COL25A1: variants seen among roughly 807,000 people sequenced by gnomAD.
COL25A1 encodes collagen type XXV alpha 1 chain, also known as collagen alpha-1(XXV) chain.
Under a neutral mutation model 128.4 loss-of-function variants are expected in COL25A1, and 103 were observed. The observed-to-expected ratio is 0.80, with a 90% CI of 0.68 to 0.94. COL25A1 has a LOEUF of 0.94. Ranked by LOEUF, COL25A1 falls within the 40% of genes least tolerant of loss-of-function variation. COL25A1 has a pLI of 0.00. For missense variants in COL25A1, 745 were observed against 840.0 expected, an observed-to-expected ratio of 0.89 and a Z score of 1.40; for synonymous variants, 279 against 277.2, an observed-to-expected ratio of 1.01 and a Z score of -0.06.
intron 2 of COL25A1, 94 bp from the exon 3 acceptor site, chr4:109,300,746 T>C (rs1048814820): frequency 2.5e-6 from 2 of 810,266 alleles, no homozygotes; most frequent in Non-Finnish European, 2.1e-6. Context: ...TTTACCGGCA[T>C]TTCATAACCT....
intron 35 of COL25A1, among the ~76,000 whole-genome samples, chr4:108,820,958 T>A (rs1731716760): frequency 6.6e-6 from 1 of 152,188 alleles, no homozygotes; most frequent in Non-Finnish European, 1.5e-5. Flanking sequence ...TATCTCTGCA[T>A]ATTTATAGAC....
chr4:109,056,104 T>G (rs1761422371), intron 3 of COL25A1, among the ~76,000 whole-genome samples: 1 of 152,102 alleles, frequency 6.6e-6, no homozygotes, highest in South Asian at 2.1e-4. Flanking sequence ...CACTACAGAG[T>G]ATTATTCAGA....
chr4:109,132,052 T>G (rs1769267103), intron 3 of COL25A1, among the ~76,000 whole-genome samples: 1 of 152,000 alleles, frequency 6.6e-6, no homozygotes. Context: ...GCCAATGAGG[T>G]TTTAAAATGA....
chr4:108,858,972 AATG>A (rs1736843973), intron 24 of COL25A1, among the ~76,000 whole-genome samples: 1 of 152,192 alleles, frequency 6.6e-6, no homozygotes, highest in Non-Finnish European at 1.5e-5. Context: ...GATGCAACAG[AATG>A]ATGATAGAGG....
chr4:108,855,772 G>A (rs1736419956), intron 24 of COL25A1, among the ~76,000 whole-genome samples: 1 of 152,098 alleles, frequency 6.6e-6, no homozygotes, highest in Non-Finnish European at 1.5e-5. Context: ...CAGCTAATAG[G>A]TTTCAATGAC....
chr4:108,886,492 G>GTGTGTGTGTTT (rs58157157), intron 18 of COL25A1, among the ~76,000 whole-genome samples: 1 of 109,248 alleles, frequency 9.2e-6, no homozygotes, highest in East Asian at 2.5e-4. Context: ...GTGTGTGTGT[G>GTGTGTGTGTTT]TTTAGCTCAT....
chr4:108,938,669 A>G (rs1747720379), intron 10 of COL25A1, among the ~76,000 whole-genome samples: 1 of 152,192 alleles, frequency 6.6e-6, no homozygotes, highest in Non-Finnish European at 1.5e-5. Context: ...ATCTTGGCTA[A>G]CATGGTGAAA....
At chr4:109,097,913 C>T (rs548234948) in intron 3 of COL25A1, among the ~76,000 whole-genome samples, 2 of 152,014 alleles carry the variant, frequency 1.3e-5, no homozygotes, top group African/African-American at 4.8e-5. Context: ...CCACCTACCT[C>T]GGCCTCCCAA....
At position 109,184,873 on chromosome 4, in the gene COL25A1, C is replaced by T. The variant is rs536388998; in HGVS notation, c.367+115710G>A. Among the ~76,000 whole-genome samples, 37 of 152,264 alleles carry T rather than the reference C, an allele frequency of 2.4e-4. No homozygotes were observed. The South Asian group carries it at 7.7e-3, about 32-fold the overall frequency. On this transcript the variant is annotated intron_variant, in intron 3 of 37. Transcript: ENST00000399132. ...GTGAGGAAACTCATTCCTTATTCAA[C>T]AGCTCAAACTATTACAAAGCTCCTG...
intron 3 of COL25A1, among the ~76,000 whole-genome samples, chr4:109,125,427 T>A (rs2126060325): frequency 6.6e-6 from 1 of 152,302 alleles, no homozygotes; most frequent in Admixed American, 6.5e-5. Context: ...ACCCGATTTC[T>A]TTCAATGAGT....
intron 13 of COL25A1, among the ~76,000 whole-genome samples, chr4:108,903,836 C>T (rs115101212): frequency 0.012 from 1,769 of 152,080 alleles, 30 homozygotes; most frequent in African/African-American, 0.041. Flanking sequence ...ATTTTTGTAG[C>T]CATTTTAATA....
chr4:109,001,085 T>C (rs6841962), intron 6 of COL25A1, among the ~76,000 whole-genome samples: 121,010 of 152,108 alleles, frequency 0.8, 49,315 homozygotes, highest in East Asian at 1. Flanking sequence ...ATAAGAGGAT[T>C]TGAATGTCAA....
At chr4:109,223,318 A>G (rs1442118599) in intron 3 of COL25A1, among the ~76,000 whole-genome samples, 1 of 152,190 alleles carries the variant, frequency 6.6e-6, no homozygotes, top group Admixed American at 6.5e-5. Flanking sequence ...GCAGGCCTCA[A>G]TCTTACTGTT....
At chr4:109,135,330 C>T (rs1021563569) in intron 3 of COL25A1, among the ~76,000 whole-genome samples, 1 of 152,030 alleles carries the variant, frequency 6.6e-6, no homozygotes. Flanking sequence ...TTTCTGGCTG[C>T]CTTGTGTCAT....
chr4:109,016,609 C>T (rs529425401), intron 5 of COL25A1, among the ~76,000 whole-genome samples: 4 of 152,300 alleles, frequency 2.6e-5, no homozygotes, highest in African/African-American at 4.8e-5. Context: ...CTCAAACAGA[C>T]TCACACAGAC....
In COL25A1 at chr4:108,860,940, G is replaced by T; in HGVS notation, c.1229C>A (p.Ala410Asp). 6.2e-7 allele frequency: 1 copy of T among 1,613,726 alleles called. No homozygotes were observed. The highest frequency in any genetic ancestry group is 1.1e-5 in the South Asian group (1 of 91,076). Reference sequence around the variant, plus strand: ...AGGAACACTCACCCTTGGTCCCTGAGCTCCAGAGTCCCCTTTTTCTCCACG... The same window carrying T: ...AGGAACACTCACCCTTGGTCCCTGATCTCCAGAGTCCCCTTTTTCTCCACG... ...GDRGEKGDSG[A>D]QGPRGPPGQK... is the part of the protein sequence containing the mutation. Residue 410 changes from alanine (A) to aspartate (D), a missense_variant, in exon 23 of 38, where the codon GCT (alanine) becomes GAT (aspartate). Around this residue, in one of 3 missense-constraint regions of COL25A1, gnomAD observed 387 missense variants for 441.9 expected, o/e 0.88. Transcript: ENST00000399132.
rs1045340452 is a variant in COL25A1, at chr4:109,091,946, C to T, written c.368-41767G>A. 5.3e-5 allele frequency among the ~76,000 whole-genome samples: 8 copies of T among 152,100 alleles called. No individual in the cohort carries two copies. The South Asian group carries it at 1.2e-3, about 24-fold the overall frequency. On this transcript the variant is annotated intron_variant, in intron 3 of 37. Transcript: ENST00000399132. ...CTCAGATTAGCAGCAAGACCAAAGC[C>T]GAGAGACGCAGACTCTTAAAACATT...
chr4:109,291,895 C>A (rs1724505162), intron 3 of COL25A1, among the ~76,000 whole-genome samples: 1 of 152,084 alleles, frequency 6.6e-6, no homozygotes, highest in Non-Finnish European at 1.5e-5. Context: ...ATTACATCAG[C>A]TTCCTTGCTA....
chr4:108,916,232 T>G (rs1259844824), intron 13 of COL25A1, among the ~76,000 whole-genome samples: 1 of 152,208 alleles, frequency 6.6e-6, no homozygotes, highest in Non-Finnish European at 1.5e-5. Context: ...TTCATAAAAG[T>G]GTGAAATCAT....
Sources: allele counts gnomAD v4.1 joint callset (sites outside exome capture counted in the v4.1 genomes callset), GRCh38; gene constraint gnomAD v4.1.1; regional missense constraint gnomAD v4.1.1; transcripts MANE v1.5; gene names NCBI Gene and HGNC (gene_info 2026-07-23, HGNC 2026-07-21).